MAST4: variants seen among roughly 807,000 people sequenced by gnomAD.
The protein encoded by MAST4 is microtubule associated serine/threonine kinase family member 4, also known as microtubule-associated serine/threonine-protein kinase 4.
Under a neutral mutation model 162.7 loss-of-function variants are expected in MAST4, and 89 were observed. The ratio of observed to expected loss-of-function variants is 0.55; its 90% CI spans 0.46 to 0.65. The LOEUF is 0.65. Among genes scored for constraint, MAST4 ranks in the 30% least tolerant of loss-of-function variants. The pLI is 0.00. For synonymous variants in MAST4, 1,479 were observed against 1,361.1 expected (o/e 1.09, Z -1.91); for missense variants, 3,153 against 3,374.0 (o/e 0.93, Z 1.62).
At chr5:66,889,302 G>A (rs1456814035) in intron 3 of MAST4, among the ~76,000 whole-genome samples, 1 of 152,152 alleles carries the variant, frequency 6.6e-6, no homozygotes, top group East Asian at 1.9e-4. Flanking sequence ...ACATAGTTAA[G>A]TGGCAGGGCT....
At chr5:67,160,166 T>C (rs1339512791) in intron 26 of MAST4, among the ~76,000 whole-genome samples, 1 of 152,150 alleles carries the variant, frequency 6.6e-6, no homozygotes, top group Non-Finnish European at 1.5e-5. Context: ...TGTTAATTGG[T>C]ACAGGAAGTT....
chr5:66,865,538 A>G (rs972375150), intron 3 of MAST4, among the ~76,000 whole-genome samples: 1 of 152,248 alleles, frequency 6.6e-6, no homozygotes, highest in African/African-American at 2.4e-5. Flanking sequence ...GTTTTTTTAA[A>G]AAGTCATCTA....
chr5:66,885,803 A>C (rs941503150), intron 3 of MAST4, among the ~76,000 whole-genome samples: 56 of 152,222 alleles, frequency 3.7e-4, no homozygotes, highest in Admixed American at 3.6e-3. Context: ...ATACATCAGC[A>C]TAACTACCTA....
At chr5:66,638,658 G>A (rs544187218) in intron 1 of MAST4, among the ~76,000 whole-genome samples, 2 of 152,224 alleles carry the variant, frequency 1.3e-5, no homozygotes, top group South Asian at 4.2e-4. Context: ...TATGGACACT[G>A]AACTATTGGA....
At chr5:66,720,719 CTTTT>C (rs1411578002) in intron 1 of MAST4, among the ~76,000 whole-genome samples, 7 of 151,986 alleles carry the variant, frequency 4.6e-5, no homozygotes, top group South Asian at 2.1e-4. Context: ...ATGATTCTTT[CTTTT>C]GTTTCCCTGA....
At chr5:66,938,824 A>G (rs2048214) in intron 4 of MAST4, among the ~76,000 whole-genome samples, 6,477 of 152,304 alleles carry the variant, frequency 0.043, 219 homozygotes, top group Middle Eastern at 0.078. Context: ...AAAACCCACA[A>G]CACATAAACA....
At chr5:67,020,194 C>T (rs1209767856) in intron 4 of MAST4, among the ~76,000 whole-genome samples, 1 of 152,178 alleles carries the variant, frequency 6.6e-6, no homozygotes, top group Non-Finnish European at 1.5e-5. Context: ...CCTTGCTTCC[C>T]AGTTCTCTTG....
intron 1 of MAST4, among the ~76,000 whole-genome samples, chr5:66,728,487 A>G (rs1751651047): frequency 6.6e-6 from 1 of 152,200 alleles, no homozygotes; most frequent in South Asian, 2.1e-4. Context: ...TATAATATGG[A>G]ATATTTTAAT....
At chr5:66,647,438 A>G (rs1745916076) in intron 1 of MAST4, among the ~76,000 whole-genome samples, 1 of 152,108 alleles carries the variant, frequency 6.6e-6, no homozygotes, top group Non-Finnish European at 1.5e-5. Flanking sequence ...ACCAAGTGAC[A>G]GTGGGTATTG....
chr5:66,998,727 A>G (rs992785873), intron 4 of MAST4, among the ~76,000 whole-genome samples: 3 of 152,000 alleles, frequency 2.0e-5, no homozygotes, highest in Non-Finnish European at 2.9e-5. Context: ...ATTCATCCCA[A>G]TGGTGGTAGT....
intron 1 of MAST4, among the ~76,000 whole-genome samples, chr5:66,646,316 A>G (rs1485250122): frequency 2.0e-5 from 3 of 152,164 alleles, no homozygotes; most frequent in Non-Finnish European, 4.4e-5. Flanking sequence ...GATGCCACTG[A>G]TGATAGGCAG....
rs1025929103 is a variant in MAST4 at position 66,776,193 on chromosome 5, TTTTG to T, written c.518-12473_518-12470del. 7.9e-5 allele frequency among the ~76,000 whole-genome samples: 12 copies of T among 152,332 alleles called. 1 individual carries two copies. Among genetic ancestry groups the T allele is most frequent in the African/African-American group, 2.9e-4 (12 of 41,574 alleles). ...TCACCTCTATGGCAGCTTTTGTTCT[TTTTG>T]TTTCTCTTGTAAAACTACTGGTCCC... is the stretch of plus-strand genomic sequence containing the variant. On this transcript the variant is annotated intron_variant, in intron 2 of 28. Coordinates refer to ENST00000403625, the MANE Select transcript of MAST4 (RefSeq NM_001164664.2).
At position 67,164,190 on chromosome 5, in the gene MAST4, A is replaced by G. The variant is rs764137621; in HGVS notation, c.5011A>G (p.Lys1671Glu). ...GEGTEKSSQA[K>E]ELLRCEKLDS... ...AGGCACGGAGAAGTCCTCCCAGGCC[A>G]AGGAGCTTCTCCGATGTGAAAAGTT... Residue 1671 changes from lysine (K) to glutamate (E), a missense_variant, in exon 29 of 29, where the codon AAG becomes GAG. Lys to Glu is a moderately conservative substitution (Grantham distance 56). Coordinates refer to ENST00000403625, the MANE Select transcript of MAST4 (RefSeq NM_001164664.2). The surrounding 1 kb of genome is among the most constrained non-coding windows in gnomAD (Gnocchi z 5.3). The G allele has an allele frequency of 6.2e-7, 1 of 1,612,486 alleles. No homozygotes were observed. The highest frequency in any genetic ancestry group is 8.5e-7 in the Non-Finnish European group (1 of 1,179,304).
At chr5:66,728,985 A>G (rs539649227) in intron 1 of MAST4, among the ~76,000 whole-genome samples, 3 of 152,336 alleles carry the variant, frequency 2.0e-5, no homozygotes, top group African/African-American at 7.2e-5. Flanking sequence ...CTTGGGTACC[A>G]TCAGCTTTTT....
chr5:66,688,513 T>C (rs765424585), intron 1 of MAST4, among the ~76,000 whole-genome samples: 3 of 152,040 alleles, frequency 2.0e-5, no homozygotes, highest in Non-Finnish European at 2.9e-5. Context: ...CTAGAGGGGG[T>C]GACTGGGACC....
chr5:67,010,347 T>G (rs1198505258), intron 4 of MAST4, among the ~76,000 whole-genome samples: 1 of 152,134 alleles, frequency 6.6e-6, no homozygotes, highest in East Asian at 1.9e-4. Flanking sequence ...TGGGAGTTAC[T>G]TCAGATAACG....
intron 3 of MAST4, among the ~76,000 whole-genome samples, chr5:66,800,186 C>CATA (rs748498807): frequency 1.4e-4 from 21 of 152,138 alleles, no homozygotes; most frequent in Non-Finnish European, 2.2e-4. Context: ...ACTTGTCAGA[C>CATA]ATAAGGCTTG....
chr5:67,095,005 G>T (rs1181916599), intron 6 of MAST4, among the ~76,000 whole-genome samples: 1 of 152,166 alleles, frequency 6.6e-6, no homozygotes, highest in Non-Finnish European at 1.5e-5. Context: ...ATGTCCGAAG[G>T]CAGTAACTCT....
At chr5:66,708,555 C>G (rs1226067358) in intron 1 of MAST4, among the ~76,000 whole-genome samples, 1 of 129,226 alleles carries the variant, frequency 7.7e-6, no homozygotes, top group Admixed American at 7.6e-5. Flanking sequence ...CCAGTGTAGA[C>G]TGTTCTGACC....
Sources: gnomAD v4.1 joint callset for allele counts (sites outside exome capture counted in the v4.1 genomes callset) on GRCh38, gnomAD v4.1.1 for gene constraint, Gnocchi (gnomAD v3.1) non-coding constraint, MANE v1.5 for transcripts, NCBI Gene and HGNC (gene_info 2026-07-23, HGNC 2026-07-21) for gene names.